The following RAD54B variants were observed in gnomAD, a reference collection of about 807,000 sequenced individuals.
RAD54B encodes RAD54 homolog B, also known as DNA repair and recombination protein RAD54B.
In RAD54B, 78 loss-of-function variants were observed where a neutral mutation model predicts 95.8. That is an observed-to-expected ratio of 0.81 (90% CI 0.68 to 0.98). The LOEUF (loss-of-function observed/expected upper bound fraction) is 0.98, where lower values mean the gene tolerates loss of function less well. Among genes scored for constraint, RAD54B ranks in the 50% least tolerant of loss-of-function variants. The probability of loss-of-function intolerance (pLI) is 0.00; values close to 1 mark genes in which losing one functional copy is unlikely to be tolerated. For synonymous variants in RAD54B, 328 were observed against 354.9 expected, an observed-to-expected ratio of 0.92 and a Z score of 0.85; for missense variants, 957 against 1,056.6, an observed-to-expected ratio of 0.91 and a Z score of 1.31.
intron 6 of RAD54B, among the ~76,000 whole-genome samples, chr8:94,401,080 A>G (rs1237284265): frequency 6.6e-6 from 1 of 152,192 alleles, no homozygotes; most frequent in Non-Finnish European, 1.5e-5. Context: ...GCCACTTTAT[A>G]TTTTTAAAGA....
intron 11 of RAD54B, among the ~76,000 whole-genome samples, chr8:94,383,049 C>T (rs1052012407): frequency 6.6e-5 from 10 of 152,120 alleles, no homozygotes; most frequent in Non-Finnish European, 7.4e-5. Flanking sequence ...GTAATCCCAG[C>T]ACTTTGGGAG....
intron 12 of RAD54B, among the ~76,000 whole-genome samples, chr8:94,379,337 A>G (rs1445337996): frequency 1.3e-5 from 2 of 152,276 alleles, no homozygotes; most frequent in East Asian, 1.9e-4. Context: ...ACTGACCCCA[A>G]ACAAAATTCT....
intron 5 of RAD54B, among the ~76,000 whole-genome samples, chr8:94,406,046 T>A (rs1364511868): frequency 7.0e-6 from 1 of 143,002 alleles, no homozygotes; most frequent in African/African-American, 2.5e-5. Context: ...AAAATTCACA[T>A]GTACACATAT....
At chr8:94,421,498 T>C (rs1811806222) in intron 3 of RAD54B, among the ~76,000 whole-genome samples, 1 of 152,186 alleles carries the variant, frequency 6.6e-6, no homozygotes, top group Admixed American at 6.5e-5. Flanking sequence ...AACCTTTTTT[T>C]CTCTAGCCCA....
chr8:94,410,665 T>C lies in RAD54B; in HGVS notation c.499+456A>G, dbSNP rs190972257. Among the ~76,000 whole-genome samples, 11 of 152,280 alleles carry C rather than the reference T, an allele frequency of 7.2e-5. No homozygotes were observed. The East Asian group carries it at 2.1e-3, about 29-fold the overall frequency. ...GCAACCTCCAATTTCCATATGTTAA[T>C]CTAGGTCAGGCCTAACCATTATCTC... is the stretch of plus-strand genomic sequence containing the variant. On this transcript the variant is annotated intron_variant, in intron 4 of 14. Coordinates refer to ENST00000336148, the MANE Select transcript of RAD54B (RefSeq NM_012415.3).
At chr8:94,453,950 C>T (rs1037290834) in intron 3 of RAD54B, among the ~76,000 whole-genome samples, 3 of 152,056 alleles carry the variant, frequency 2.0e-5, no homozygotes, top group African/African-American at 7.2e-5. Flanking sequence ...CACCACCACA[C>T]TCAGCTAATT....
At chr8:94,393,524 T>G (rs1811070844) in intron 9 of RAD54B, 1 of 416,542 alleles carries the variant, frequency 2.4e-6, no homozygotes, top group Non-Finnish European at 4.2e-6. Context: ...ATGAACATTT[T>G]TATATGTTTA....
At chr8:94,431,381 A>T in intron 3 of RAD54B, 1 of 984,560 alleles carries the variant, frequency 1.0e-6, no homozygotes, top group Non-Finnish European at 1.2e-6. Context: ...GGGGTAATTG[A>T]TGTAATTATC....
chr8:94,413,596 C>G (rs994213589), intron 3 of RAD54B, among the ~76,000 whole-genome samples: 1 of 152,072 alleles, frequency 6.6e-6, no homozygotes, highest in Non-Finnish European at 1.5e-5. Context: ...CAAAAAATCT[C>G]TAATAGAAAA....
intron 3 of RAD54B, chr8:94,429,392 C>CTT (rs905896206): frequency 1.2e-6 from 1 of 832,182 alleles, no homozygotes; most frequent in South Asian, 5.6e-5. Context: ...GTATACTGCA[C>CTT]TTTTTTTTAA....
intron 6 of RAD54B, among the ~76,000 whole-genome samples, chr8:94,401,879 G>A (rs1187380576): frequency 6.6e-6 from 1 of 152,158 alleles, no homozygotes; most frequent in South Asian, 2.1e-4. Context: ...ATCCTTTCAC[G>A]ATAAAGAGAA....
At chr8:94,472,063 C>G (rs974897410) in intron 1 of RAD54B, among the ~76,000 whole-genome samples, 13 of 151,928 alleles carry the variant, frequency 8.6e-5, no homozygotes, top group Non-Finnish European at 1.2e-4. Flanking sequence ...ATATAACCAG[C>G]CTTTATATAG....
chr8:94,424,732 G>GT (rs769667416), intron 3 of RAD54B, among the ~76,000 whole-genome samples: 2 of 152,004 alleles, frequency 1.3e-5, no homozygotes, highest in Non-Finnish European at 2.9e-5. Context: ...CCAAAAAGTG[G>GT]TCGGCATAAA....
intron 3 of RAD54B, among the ~76,000 whole-genome samples, chr8:94,442,498 C>A (rs1205062445): frequency 3.3e-5 from 5 of 151,410 alleles, no homozygotes; most frequent in Non-Finnish European, 7.4e-5. Flanking sequence ...TGGCGTGAAC[C>A]CGGGAGGCGG....
chr8:94,459,056 T>C (rs550037456), intron 2 of RAD54B, among the ~76,000 whole-genome samples: 3 of 152,292 alleles, frequency 2.0e-5, no homozygotes, highest in African/African-American at 7.2e-5. Context: ...TAAAATGCTC[T>C]TTTTCTTGTT....
At chr8:94,449,534 A>C (rs1174312364) in intron 3 of RAD54B, among the ~76,000 whole-genome samples, 1 of 150,968 alleles carries the variant, frequency 6.6e-6, no homozygotes, top group Non-Finnish European at 1.5e-5. Flanking sequence ...ACTTGAACCC[A>C]GGAGGTAGAT....
intron 3 of RAD54B, among the ~76,000 whole-genome samples, chr8:94,453,705 A>G (rs2130167369): frequency 6.6e-6 from 1 of 152,312 alleles, no homozygotes; most frequent in South Asian, 2.1e-4. Flanking sequence ...CAAAAAAGAC[A>G]TACAAAAAAC....
intron 3 of RAD54B, among the ~76,000 whole-genome samples, chr8:94,412,689 A>AT (rs962597720): frequency 1.4e-4 from 22 of 152,056 alleles, no homozygotes; most frequent in Admixed American, 2.0e-4. Flanking sequence ...AAATGAAGTA[A>AT]TTTTTTTTCC....
rs138522863 is a variant in RAD54B, at chr8:94,427,202, A to C, written c.305-15887T>G. Reference sequence around the variant, plus strand: ...TGGAATTATAATGATATATCCTTTTAGTTTAAGTTGTCAGGACTGATATGA... The same window carrying C: ...TGGAATTATAATGATATATCCTTTTCGTTTAAGTTGTCAGGACTGATATGA... On this transcript the variant is annotated intron_variant, in intron 3 of 14. Coordinates refer to ENST00000336148, the MANE Select transcript of RAD54B (RefSeq NM_012415.3). 9.7e-3 allele frequency among the ~76,000 whole-genome samples: 1,477 copies of C among 152,174 alleles called. 21 individuals are homozygous for C. The highest frequency in any genetic ancestry group is 0.033 in the African/African-American group (1,392 of 41,564).
Sources: allele counts gnomAD v4.1 joint callset (sites outside exome capture counted in the v4.1 genomes callset), GRCh38; gene constraint gnomAD v4.1.1; transcripts MANE v1.5; gene names NCBI Gene and HGNC (gene_info 2026-07-23, HGNC 2026-07-21).